Variants in PCDHA4 observed in about 807,000 individuals in gnomAD.
PCDHA4 encodes protocadherin alpha 4.
In PCDHA4, 49 loss-of-function variants were observed where a neutral mutation model predicts 61.4. The ratio of observed to expected loss-of-function variants is 0.80; its 90% CI spans 0.63 to 1.01. The LOEUF (loss-of-function observed/expected upper bound fraction) is 1.01. PCDHA4 is among the 50% of genes least tolerant of loss of function. The pLI is 0.00. For synonymous variants in PCDHA4, 590 were observed against 550.3 expected, an observed-to-expected ratio of 1.07 and a Z score of -1.01; for missense variants, 1,254 against 1,235.8, an observed-to-expected ratio of 1.01 and a Z score of -0.22.
intron 1 of PCDHA4, among the ~76,000 whole-genome samples, chr5:140,820,599 C>T (rs1446316781): frequency 6.6e-6 from 1 of 151,894 alleles, no homozygotes; most frequent in Non-Finnish European, 1.5e-5. Context: ...ACTAAATTTT[C>T]TAGGTCGTGT....
intron 1 of PCDHA4, among the ~76,000 whole-genome samples, chr5:140,898,111 T>C (rs1319791706): frequency 6.6e-6 from 1 of 152,184 alleles, no homozygotes; most frequent in Non-Finnish European, 1.5e-5. Context: ...ATGAGTAGGT[T>C]GCGAAAATTT....
Position 140,808,385 on chromosome 5 carries a change from A to C in PCDHA4, c.1198A>C (p.Thr400Pro), listed in dbSNP as rs534285783. The C allele has an allele frequency of 6.2e-7, 1 of 1,614,148 alleles. No homozygotes were observed. ...TSHVPFKLVS[T>P]FKNYYSLVLD... ...CCACGTCCCCTTCAAGCTGGTGTCC[A>C]CCTTCAAGAATTACTACTCGTTGGT... is the stretch of plus-strand genomic sequence containing the variant. Residue 400 changes from threonine to proline, a missense_variant, in exon 1 of 4, where the codon ACC (threonine) becomes CCC (proline). Physicochemically the swap from Thr to Pro is conservative, Grantham distance 38. Transcript: ENST00000530339.
intron 3 of PCDHA4, among the ~76,000 whole-genome samples, chr5:140,985,169 C>G (rs1169892350): frequency 6.6e-6 from 1 of 152,122 alleles, no homozygotes; most frequent in Non-Finnish European, 1.5e-5. Flanking sequence ...AATCTCCTGA[C>G]CTCGTAATCC....
intron 1 of PCDHA4, chr5:140,814,137 A>C (rs1765440922): frequency 6.5e-6 from 1 of 153,288 alleles, no homozygotes; most frequent in Non-Finnish European, 1.5e-5. Flanking sequence ...CAGCTGTACA[A>C]AAATATTTTC....
chr5:140,818,742 G>T (rs2150102273), intron 1 of PCDHA4, among the ~76,000 whole-genome samples: 1 of 152,326 alleles, frequency 6.6e-6, no homozygotes, highest in South Asian at 2.1e-4. Flanking sequence ...GGAGGCTGAA[G>T]TTGGAGGATG....
At chr5:140,989,060 G>A (rs1233023153) in intron 3 of PCDHA4, 1 of 152,138 alleles carries the variant, frequency 6.6e-6, no homozygotes, top group Non-Finnish European at 1.5e-5. Context: ...CTACATTGAG[G>A]CAATACAGTC....
chr5:140,843,397 G>A lies in PCDHA4; in HGVS notation c.2385+33825G>A, dbSNP rs2150359226. 4 of 1,596,068 alleles carry A rather than the reference G, an allele frequency of 2.5e-6. No homozygotes were observed. In the East Asian group the frequency reaches 6.7e-5, roughly 27 times the overall value. On this transcript the variant is annotated intron_variant, in intron 1 of 3. Coordinates refer to ENST00000530339, the MANE Select transcript of PCDHA4 (RefSeq NM_018907.4). ...CTGGCGTTTTGGGTCCGGAAGCGGC[G>A]CTGGTGGATGTCAACGTGTACCTGA... is the stretch of plus-strand genomic sequence containing the variant.
chr5:140,883,306 C>T (rs2059544095), intron 1 of PCDHA4: 2 of 1,614,050 alleles, frequency 1.2e-6, no homozygotes, highest in Non-Finnish European at 8.5e-7. Context: ...TAAATGATAA[C>T]GCCCCAGAGG....
chr5:140,835,910 A>T (rs2150248144), intron 1 of PCDHA4: 1 of 1,612,256 alleles, frequency 6.2e-7, no homozygotes, highest in Non-Finnish European at 8.5e-7. Flanking sequence ...GCTACGTGTC[A>T]GTGCACGCGG....
chr5:140,822,577 G>A lies in PCDHA4; in HGVS notation c.2385+13005G>A, dbSNP rs1554128720. 7.4e-6 allele frequency: 12 copies of A among 1,612,030 alleles called. No homozygotes were observed. Among genetic ancestry groups the A allele is most frequent in the Non-Finnish European group, 1.0e-5 (12 of 1,178,406 alleles). ...AGTTATTAAACTGAACGCCTCAGAT[G>A]CAGATGAGGGCATCAATAAGGAAAT... On this transcript the variant is annotated intron_variant, in intron 1 of 3. Coordinates refer to ENST00000530339, the MANE Select transcript of PCDHA4 (RefSeq NM_018907.4).
At chr5:140,931,853 G>A (rs2087796602) in intron 1 of PCDHA4, among the ~76,000 whole-genome samples, 1 of 151,744 alleles carries the variant, frequency 6.6e-6, no homozygotes, top group African/African-American at 2.4e-5. Context: ...ATAACAACAG[G>A]ATTCTAGAAA....
At position 140,808,676 on chromosome 5, in the gene PCDHA4, C is replaced by A. The variant is rs369858637; in HGVS notation, c.1489C>A (p.Arg497=). Reference sequence around the variant, plus strand: ...GCTGGTGTCCTACTCGCTGGTAGAGCGGCGGGTAGGGGAGCGCGCGCTGTC... The same window carrying A: ...GCTGGTGTCCTACTCGCTGGTAGAGAGGCGGGTAGGGGAGCGCGCGCTGTC... ...NALVSYSLVE[R]RVGERALSSY... Residue 497 remains arginine, a synonymous_variant, in exon 1 of 4, where the codon CGG becomes AGG. Transcript: ENST00000530339. 3.1e-6 allele frequency: 5 copies of A among 1,612,726 alleles called. No homozygotes were observed. The highest frequency in any genetic ancestry group is 4.2e-6 in the Non-Finnish European group (5 of 1,179,846).
intron 1 of PCDHA4, chr5:140,863,608 T>A (rs548888922): frequency 5.7e-6 from 2 of 349,702 alleles, no homozygotes; most frequent in Non-Finnish European, 1.1e-5. Flanking sequence ...CCTATTAATG[T>A]CCCTCATAGT....
At chr5:140,826,349 T>A (rs1350879909) in intron 1 of PCDHA4, among the ~76,000 whole-genome samples, 2 of 152,168 alleles carry the variant, frequency 1.3e-5, no homozygotes, top group African/African-American at 4.8e-5. Flanking sequence ...ACCCTTTGTT[T>A]GCCCAAAATA....
At chr5:140,901,674 G>C (rs1387047115) in intron 1 of PCDHA4, among the ~76,000 whole-genome samples, 5 of 152,034 alleles carry the variant, frequency 3.3e-5, no homozygotes, top group African/African-American at 9.7e-5. Flanking sequence ...GATACCTTTA[G>C]GTATTATGGG....
intron 1 of PCDHA4, chr5:140,966,926 C>G (rs782811757): frequency 1.9e-6 from 3 of 1,603,462 alleles, no homozygotes; most frequent in Admixed American, 1.7e-5. Flanking sequence ...GGAGCAGGCA[C>G]CCGGCGCGCT....
At chr5:140,985,386 T>A (rs2097149117) in intron 3 of PCDHA4, among the ~76,000 whole-genome samples, 1 of 152,170 alleles carries the variant, frequency 6.6e-6, no homozygotes, top group African/African-American at 2.4e-5. Context: ...TATAATCCAG[T>A]CACCCCAACT....
intron 1 of PCDHA4, chr5:140,853,641 A>G (rs1211855290): frequency 1.0e-6 from 1 of 988,686 alleles, no homozygotes; most frequent in East Asian, 1.1e-4. Context: ...ACAGACCTAA[A>G]TTGAGCCTGT....
chr5:140,875,378 T>G, intron 1 of PCDHA4: 1 of 1,458,602 alleles, frequency 6.9e-7, no homozygotes, highest in Non-Finnish European at 9.0e-7. Context: ...TTACTAAATA[T>G]GTACTTACAG....
Sources: gnomAD v4.1 joint callset for allele counts (sites outside exome capture counted in the v4.1 genomes callset) on GRCh38, gnomAD v4.1.1 for gene constraint, MANE v1.5 for transcripts, NCBI Gene and HGNC (gene_info 2026-07-23, HGNC 2026-07-21) for gene names.